Variants in ME1 observed in about 807,000 individuals in gnomAD.
The protein encoded by ME1 is NADP-dependent malic enzyme.
ME1 carries 74 observed loss-of-function variants against 66.4 expected under a neutral mutation model. The ratio of observed to expected loss-of-function variants is 1.11; its 90% CI spans 0.92 to 1.35. ME1 has a LOEUF of 1.35. Ranked by LOEUF, ME1 falls within the 40% of genes most tolerant of loss-of-function variation. The pLI is 0.00. For synonymous variants in ME1, 251 were observed against 235.6 expected (o/e 1.07, Z -0.60); for missense variants, 750 against 694.1 (o/e 1.08, Z -0.90).
Position 83,346,296 on chromosome 6 carries a change from C to T in ME1, c.477G>A (p.Leu159=), listed in dbSNP as rs2128543834. The T allele has an allele frequency of 6.2e-7, 1 of 1,612,428 alleles. No homozygotes were observed. The highest frequency in any genetic ancestry group is 2.2e-5 in the East Asian group (1 of 44,818). Residue 159 remains leucine (L), a synonymous_variant, in exon 5 of 14, where the codon TTG becomes TTA. Coordinates refer to ENST00000369705, the MANE Select transcript of ME1 (RefSeq NM_002395.6). ...CCATTCCATTACAGCCAAGGTCTCC[C>T]AAGCCAAGAATACGCTCTCCATCAG... ...VVTDGERILG[L]GDLGCNGMGI...
chr6:83,418,022 T>C (rs1770194794), intron 1 of ME1, among the ~76,000 whole-genome samples: 1 of 152,210 alleles, frequency 6.6e-6, no homozygotes, highest in African/African-American at 2.4e-5. Context: ...GAGGACTGTT[T>C]CAGTTTCTTA....
At chr6:83,262,754 G>A (rs1766921656) in intron 6 of ME1, among the ~76,000 whole-genome samples, 1 of 152,200 alleles carries the variant, frequency 6.6e-6, no homozygotes, top group South Asian at 2.1e-4. Context: ...ATATGGTAGT[G>A]AGTGTTGCCA....
At chr6:83,304,936 C>T (rs1248621140) in intron 6 of ME1, among the ~76,000 whole-genome samples, 3 of 152,160 alleles carry the variant, frequency 2.0e-5, no homozygotes, top group Admixed American at 2.0e-4. Context: ...ATGTAACATG[C>T]TAACTTTAGA....
intron 6 of ME1, among the ~76,000 whole-genome samples, chr6:83,265,007 T>C (rs543988044): frequency 7.0e-4 from 107 of 152,302 alleles, no homozygotes; most frequent in Non-Finnish European, 1.2e-3. Context: ...AGATCTCTCA[T>C]GAAAGGAAGA....
chr6:83,327,465 C>G (rs190303185), intron 5 of ME1, among the ~76,000 whole-genome samples: 5 of 152,258 alleles, frequency 3.3e-5, no homozygotes. Flanking sequence ...CTGGCCCCCC[C>G]GGGGCACACC....
chr6:83,387,420 A>G (rs1337287368), intron 3 of ME1, among the ~76,000 whole-genome samples: 2 of 152,126 alleles, frequency 1.3e-5, no homozygotes, highest in African/African-American at 2.4e-5. Flanking sequence ...CACAAATTAA[A>G]CATCAATTAA....
At chr6:83,355,253 AT>A (rs1003270991) in intron 3 of ME1, among the ~76,000 whole-genome samples, 1 of 152,210 alleles carries the variant, frequency 6.6e-6, no homozygotes, top group South Asian at 2.1e-4. Context: ...GCAATATACT[AT>A]TTTTTATTTG....
chr6:83,296,110 T>C (rs542796361), intron 6 of ME1, among the ~76,000 whole-genome samples: 1 of 152,308 alleles, frequency 6.6e-6, no homozygotes. Flanking sequence ...GCTGGTACTA[T>C]TTCTACTGGA....
intron 6 of ME1, among the ~76,000 whole-genome samples, chr6:83,254,346 T>C (rs1470910498): frequency 6.6e-6 from 1 of 152,170 alleles, no homozygotes; most frequent in Admixed American, 6.5e-5. Context: ...TCTAGCTTCA[T>C]GGGTAAACAT....
intron 6 of ME1, among the ~76,000 whole-genome samples, chr6:83,293,614 A>G (rs1345218467): frequency 6.6e-6 from 1 of 152,208 alleles, no homozygotes; most frequent in Non-Finnish European, 1.5e-5. Context: ...AAATTAACTG[A>G]ATAGAATAGA....
At chr6:83,352,278 TAAAC>T in intron 3 of ME1, 139 bp from the exon 4 acceptor site, 3 of 479,926 alleles carry the variant, frequency 6.3e-6, no homozygotes, top group South Asian at 5.5e-5. Context: ...ATTATTTCCT[TAAAC>T]AAATAAGGGG....
chr6:83,278,350 G>T (rs570826090), intron 6 of ME1, among the ~76,000 whole-genome samples: 41 of 152,342 alleles, frequency 2.7e-4, no homozygotes, highest in African/African-American at 8.7e-4. Context: ...ATCTCCAGGA[G>T]CTTCATTAGG....
At chr6:83,399,332 C>G (rs924157658) in intron 2 of ME1, among the ~76,000 whole-genome samples, 3 of 152,104 alleles carry the variant, frequency 2.0e-5, no homozygotes, top group African/African-American at 7.2e-5. Flanking sequence ...AATAAAGAAC[C>G]ATAAACTTAA....
At chr6:83,317,837 C>A (rs536982715) in intron 5 of ME1, among the ~76,000 whole-genome samples, 2 of 152,208 alleles carry the variant, frequency 1.3e-5, no homozygotes, top group African/African-American at 2.4e-5. Flanking sequence ...AGAGCCCGCA[C>A]TGCCAAGTCA....
At chr6:83,316,637 T>C (rs970709409) in intron 5 of ME1, among the ~76,000 whole-genome samples, 2 of 152,082 alleles carry the variant, frequency 1.3e-5, no homozygotes, top group African/African-American at 4.8e-5. Flanking sequence ...ACTTTTTTAT[T>C]TGTACACATA....
At chr6:83,303,260 A>G (rs1385579461) in intron 6 of ME1, among the ~76,000 whole-genome samples, 1 of 152,180 alleles carries the variant, frequency 6.6e-6, no homozygotes, top group Non-Finnish European at 1.5e-5. Context: ...GTAAACCCAC[A>G]TCTTATTCTT....
At chr6:83,424,096 CA>C (rs34763202) in intron 1 of ME1, among the ~76,000 whole-genome samples, 41,121 of 114,686 alleles carry the variant, frequency 0.36, 5,665 homozygotes, top group Middle Eastern at 0.53. Context: ...GACCCTGTCT[CA>C]AAAAAAAAAA....
At chr6:83,264,428 A>G (rs1766950763) in intron 6 of ME1, among the ~76,000 whole-genome samples, 1 of 152,216 alleles carries the variant, frequency 6.6e-6, no homozygotes, top group Admixed American at 6.5e-5. Context: ...AAGTCTTATT[A>G]TATAGAAAAT....
chr6:83,259,722 C>A (rs983119826), intron 6 of ME1, among the ~76,000 whole-genome samples: 1 of 152,158 alleles, frequency 6.6e-6, no homozygotes, highest in Non-Finnish European at 1.5e-5. Context: ...TCTTTCATAG[C>A]AATATGGCTT....
Sources: gnomAD v4.1 joint callset for allele counts (sites outside exome capture counted in the v4.1 genomes callset) on GRCh38, gnomAD v4.1.1 for gene constraint, MANE v1.5 for transcripts, NCBI Gene and HGNC (gene_info 2026-07-23, HGNC 2026-07-21) for gene names.